The following FRMD4B variants were observed in gnomAD, a reference collection of about 807,000 sequenced individuals.
The protein encoded by FRMD4B is FERM domain containing 4B.
FRMD4B carries 74 observed loss-of-function variants against 141.5 expected under a neutral mutation model. The observed-to-expected ratio is 0.52, with a 90% confidence interval of 0.43 to 0.63. The LOEUF is 0.63. Among genes scored for constraint, FRMD4B ranks in the 30% least tolerant of loss-of-function variants. The pLI is 0.00. For missense variants in FRMD4B, 1,366 were observed against 1,253.4 expected, an observed-to-expected ratio of 1.09 and a Z score of -1.36; for synonymous variants, 506 against 467.9, an observed-to-expected ratio of 1.08 and a Z score of -1.05.
intron 1 of FRMD4B, among the ~76,000 whole-genome samples, chr3:69,366,276 AACAAAAAC>A (rs879677161): frequency 0.11 from 16,156 of 141,750 alleles, 973 homozygotes; most frequent in South Asian, 0.16. Flanking sequence ...CAAAAACAAA[AACAAAAAC>A]AAAAAAAATT....
rs1002412438 is a variant in FRMD4B, at chr3:69,170,775, T to G, written c.*1086A>C. 7 of 152,222 alleles carry G rather than the reference T, an allele frequency of 4.6e-5. No homozygotes were observed. The highest frequency in any genetic ancestry group is 1.4e-4 in the African/African-American group (6 of 41,454). The allele number at this position is 152,222 out of a possible 1,614,324, so 9.4% of individuals were successfully genotyped here. On this transcript the variant is annotated 3_prime_UTR_variant, in exon 23 of 23. Transcript: ENST00000398540. The stretch of plus-strand genomic sequence containing the variant: ...GTTTTAGCCTCATAATTAAATCCAC[T>G]GCAGCTTGGAGCTTTTTGTCGTTGT...
At chr3:69,331,728 G>A (rs1702375853) in intron 1 of FRMD4B, among the ~76,000 whole-genome samples, 1 of 152,028 alleles carries the variant, frequency 6.6e-6, no homozygotes, top group South Asian at 2.1e-4. Flanking sequence ...AAAATGCTTG[G>A]CAGAGGACAC....
At chr3:69,485,648 C>G (rs1321101275) in intron 1 of FRMD4B, among the ~76,000 whole-genome samples, 1 of 152,226 alleles carries the variant, frequency 6.6e-6, no homozygotes. Flanking sequence ...CCTGGCCCAG[C>G]CCCCTCACAG....
chr3:69,268,128 C>G (rs772981929), intron 5 of FRMD4B, among the ~76,000 whole-genome samples: 17 of 151,914 alleles, frequency 1.1e-4, no homozygotes, highest in Non-Finnish European at 2.5e-4. Flanking sequence ...AAGAATGAGG[C>G]TGTCACAAGG....
intron 1 of FRMD4B, among the ~76,000 whole-genome samples, chr3:69,483,097 G>T (rs374206928): frequency 6.6e-6 from 1 of 152,066 alleles, no homozygotes; most frequent in Non-Finnish European, 1.5e-5. Flanking sequence ...TTTTTTTGTA[G>T]TTCAAAAAAG....
intron 1 of FRMD4B, among the ~76,000 whole-genome samples, chr3:69,449,467 C>A (rs1705459966): frequency 6.6e-6 from 1 of 152,142 alleles, no homozygotes; most frequent in South Asian, 2.1e-4. Flanking sequence ...TCATCATTTG[C>A]CAGGAGGTGA....
intron 11 of FRMD4B, among the ~76,000 whole-genome samples, chr3:69,211,264 G>A (rs1018220109): frequency 6.6e-6 from 1 of 152,126 alleles, no homozygotes; most frequent in Non-Finnish European, 1.5e-5. Context: ...GTGCAGATGA[G>A]AAAACCACTT....
At chr3:69,496,840 G>C (rs1706409080) in intron 1 of FRMD4B, among the ~76,000 whole-genome samples, 1 of 151,712 alleles carries the variant, frequency 6.6e-6, no homozygotes, top group Non-Finnish European at 1.5e-5. Context: ...ATTAATATAG[G>C]TGAGATATGT....
intron 1 of FRMD4B, among the ~76,000 whole-genome samples, chr3:69,446,661 A>G (rs895395975): frequency 6.6e-6 from 1 of 152,112 alleles, no homozygotes; most frequent in African/African-American, 2.4e-5. Flanking sequence ...TTAGAACCCA[A>G]TTTTCAATGT....
intron 2 of FRMD4B, among the ~76,000 whole-genome samples, chr3:69,416,141 C>T (rs183038399): frequency 3.3e-5 from 5 of 152,274 alleles, no homozygotes; most frequent in African/African-American, 1.2e-4. Context: ...CTGTTTTGCA[C>T]GTGGTTCTGA....
chr3:69,536,461 T>C (rs906796066), intron 1 of FRMD4B: 332 of 704,226 alleles, frequency 4.7e-4, no homozygotes, highest in Non-Finnish European at 8.2e-4. Context: ...GTGCAGGATG[T>C]AGAGCTTGAC....
chr3:69,470,358 G>A (rs1473258596), intron 1 of FRMD4B, among the ~76,000 whole-genome samples: 1 of 152,138 alleles, frequency 6.6e-6, no homozygotes, highest in East Asian at 1.9e-4. Context: ...ATTCCTTGGA[G>A]AAGCATTTTG....
intron 1 of FRMD4B, among the ~76,000 whole-genome samples, chr3:69,455,292 A>C (rs572667850): frequency 6.6e-6 from 1 of 152,256 alleles, no homozygotes; most frequent in African/African-American, 2.4e-5. Flanking sequence ...GTCTGTTTAC[A>C]TAATGTGGGA....
intron 2 of FRMD4B, among the ~76,000 whole-genome samples, chr3:69,430,494 G>C (rs557157218): frequency 6.6e-6 from 1 of 152,250 alleles, no homozygotes; most frequent in African/African-American, 2.4e-5. Flanking sequence ...GTCTATTTCA[G>C]TTACAAGATC....
In FRMD4B at chr3:69,215,420, G is replaced by C. The variant is rs369258957; in HGVS notation, c.876+843C>G. Among the ~76,000 whole-genome samples, 359 of 150,014 alleles carry C rather than the reference G, an allele frequency of 2.4e-3. 1 individual carries two copies. The highest frequency in any genetic ancestry group is 8.7e-3 in the African/African-American group (354 of 40,682). ...CAATGCTCGTGCCTCAGCCTCCCGA[G>C]TAGCTAGGATTACAGATGCCTGCCA... On this transcript the variant is annotated intron_variant, in intron 11 of 22. Transcript: ENST00000398540.
At chr3:69,303,817 C>G (rs748924797) in intron 3 of FRMD4B, among the ~76,000 whole-genome samples, 7 of 152,066 alleles carry the variant, frequency 4.6e-5, no homozygotes, top group Non-Finnish European at 7.3e-5. Flanking sequence ...GCCTGTTGTC[C>G]CAGCTACTAT....
At chr3:69,459,870 C>T (rs1198221323) in intron 1 of FRMD4B, among the ~76,000 whole-genome samples, 1 of 152,194 alleles carries the variant, frequency 6.6e-6, no homozygotes, top group Non-Finnish European at 1.5e-5. Context: ...CTCACAGCAA[C>T]TGTAGGTGTC....
chr3:69,236,583 T>A (rs1021787564), intron 7 of FRMD4B, among the ~76,000 whole-genome samples: 2 of 152,156 alleles, frequency 1.3e-5, no homozygotes, highest in African/African-American at 4.8e-5. Flanking sequence ...CAGACTCCAG[T>A]CATTTTCGGC....
intron 11 of FRMD4B, among the ~76,000 whole-genome samples, chr3:69,205,059 CA>C (rs33955997): frequency 1.4e-4 from 17 of 124,422 alleles, no homozygotes; most frequent in African/African-American, 2.2e-4. Context: ...ATGTTTTTAA[CA>C]AAAAAAAAAA....
Sources: allele counts gnomAD v4.1 joint callset (sites outside exome capture counted in the v4.1 genomes callset), GRCh38; gene constraint gnomAD v4.1.1; transcripts MANE v1.5; gene names NCBI Gene and HGNC (gene_info 2026-07-23, HGNC 2026-07-21).